The following GPM6A variants were observed in gnomAD, a reference collection of about 807,000 sequenced individuals.
GPM6A encodes neuronal membrane glycoprotein M6-a.
Under a neutral mutation model 32.1 loss-of-function variants are expected in GPM6A, and 7 were observed. That is an observed-to-expected ratio of 0.22 (90% CI 0.12 to 0.41). GPM6A has a LOEUF of 0.41. GPM6A is among the 10% of genes least tolerant of loss of function. GPM6A has a pLI of 1.00. For synonymous variants in GPM6A, 130 were observed against 123.4 expected, an observed-to-expected ratio of 1.05 and a Z score of -0.35; for missense variants, 235 against 347.2, an observed-to-expected ratio of 0.68 and a Z score of 2.57.
chr4:175,902,685 TC>T (rs1402071680), intron 1 of GPM6A, among the ~76,000 whole-genome samples: 1 of 151,982 alleles, frequency 6.6e-6, no homozygotes, highest in Non-Finnish European at 1.5e-5. Context: ...CTCCTCAAGC[TC>T]ATCTATAAAA....
chr4:175,888,860 A>G (rs1380470209), intron 1 of GPM6A, among the ~76,000 whole-genome samples: 2 of 152,162 alleles, frequency 1.3e-5, no homozygotes, highest in African/African-American at 4.8e-5. Flanking sequence ...ACGGTAACAT[A>G]AAGATCTACA....
At chr4:175,639,097 G>T (rs1470070523) in intron 6 of GPM6A, among the ~76,000 whole-genome samples, 1 of 152,004 alleles carries the variant, frequency 6.6e-6, no homozygotes, top group African/African-American at 2.4e-5. Flanking sequence ...CAACGCTAAA[G>T]TAACAAAACA....
chr4:175,838,094 C>CACACACACACACACAG (rs1234478957), intron 1 of GPM6A, among the ~76,000 whole-genome samples: 2 of 76,652 alleles, frequency 2.6e-5, no homozygotes, highest in African/African-American at 1.1e-4. Context: ...GGTTAAAACA[C>CACACACACACACACAG]ACACACACAC....
rs1736587346 is a variant in GPM6A at position 175,861,951 on chromosome 4, T to C, written c.-22-49702A>G. Among the ~76,000 whole-genome samples the C allele has an allele frequency of 2.6e-5, 4 of 151,750 alleles. No individual in the cohort carries two copies. The South Asian group carries it at 8.3e-4, about 31-fold the overall frequency. ...TAAGATGAAAGTAGCATATTTTCTATAAAAAAGTATTAAATATTCACATGT... is the reference window on the plus strand; with the variant it reads ...TAAGATGAAAGTAGCATATTTTCTACAAAAAAGTATTAAATATTCACATGT... On this transcript the variant is annotated intron_variant, in intron 1 of 7. Transcript: ENST00000280187.
chr4:175,932,221 A>C (rs2126313467), intron 1 of GPM6A, among the ~76,000 whole-genome samples: 1 of 152,262 alleles, frequency 6.6e-6, no homozygotes, highest in East Asian at 1.9e-4. Context: ...GTACTATAGT[A>C]TTAGGAGACG....
chr4:175,998,835 G>A (rs1741390019), intron 1 of GPM6A, among the ~76,000 whole-genome samples: 1 of 151,986 alleles, frequency 6.6e-6, no homozygotes, highest in Non-Finnish European at 1.5e-5. Context: ...AACTAATTCT[G>A]TTTTAAACAA....
At chr4:175,973,695 T>G (rs1427567468) in intron 1 of GPM6A, among the ~76,000 whole-genome samples, 3 of 152,348 alleles carry the variant, frequency 2.0e-5, no homozygotes, top group African/African-American at 7.2e-5. Flanking sequence ...GGCTAGCCTC[T>G]CAGTGGAGGT....
At chr4:175,734,345 T>TA (rs1203954919) in intron 1 of GPM6A, among the ~76,000 whole-genome samples, 7 of 152,118 alleles carry the variant, frequency 4.6e-5, no homozygotes, top group Admixed American at 6.5e-5. Context: ...CATTTCCCTG[T>TA]AAAAAACACT....
chr4:175,794,458 A>C (rs1053742257), intron 1 of GPM6A, among the ~76,000 whole-genome samples: 14 of 152,258 alleles, frequency 9.2e-5, no homozygotes, highest in Admixed American at 3.9e-4. Context: ...CAATAACTTA[A>C]ACAAGGAATT....
At chr4:175,680,560 C>A (rs1370851506) in intron 2 of GPM6A, among the ~76,000 whole-genome samples, 1 of 152,136 alleles carries the variant, frequency 6.6e-6, no homozygotes, top group Non-Finnish European at 1.5e-5. Context: ...GTTAATGCAA[C>A]TGTTTGTTTC....
At chr4:175,683,941 C>A (rs1743826874) in intron 2 of GPM6A, among the ~76,000 whole-genome samples, 1 of 151,858 alleles carries the variant, frequency 6.6e-6, no homozygotes, top group South Asian at 2.1e-4. Flanking sequence ...AAGCAATTCT[C>A]CTGTCTCAGC....
intron 1 of GPM6A, chr4:175,787,325 C>T: frequency 6.6e-7 from 1 of 1,512,182 alleles, no homozygotes; most frequent in South Asian, 1.2e-5. Flanking sequence ...CAAAGTCACC[C>T]TTGACCTTAC....
chr4:175,976,983 C>T (rs1740682834), intron 1 of GPM6A, among the ~76,000 whole-genome samples: 2 of 152,142 alleles, frequency 1.3e-5, no homozygotes, highest in South Asian at 4.1e-4. Context: ...CATAATTAAG[C>T]TATTGGAAAC....
chr4:175,791,234 A>G (rs776641339), intron 1 of GPM6A, among the ~76,000 whole-genome samples: 11 of 152,204 alleles, frequency 7.2e-5, no homozygotes, highest in East Asian at 3.8e-4. Flanking sequence ...AATAAAATGT[A>G]TAGATAGAAA....
rs150530182 is a variant in GPM6A, at chr4:175,952,322, C to T, written c.-23+49987G>A. 7.9e-3 allele frequency among the ~76,000 whole-genome samples: 1,200 copies of T among 152,308 alleles called. 23 individuals are homozygous for T. Among genetic ancestry groups the T allele is most frequent in the Admixed American group, 0.039 (601 of 15,296 alleles). On this transcript the variant is annotated intron_variant, in intron 1 of 7. Coordinates refer to the GPM6A transcript ENST00000280187. The stretch of plus-strand genomic sequence containing the variant: ...TAGGAGAAGTTCGTTTCTATGTACA[C>T]TTCAAAGCTAGATGTCCAAGGAGTC...
chr4:175,762,643 T>TA (rs1012126227), intron 1 of GPM6A, among the ~76,000 whole-genome samples: 2 of 152,022 alleles, frequency 1.3e-5, no homozygotes, highest in Non-Finnish European at 2.9e-5. Context: ...GGCATTCGAT[T>TA]AAAAAAAATT....
At chr4:175,857,578 C>A (rs915785447) in intron 1 of GPM6A, among the ~76,000 whole-genome samples, 2 of 151,898 alleles carry the variant, frequency 1.3e-5, no homozygotes, top group African/African-American at 4.8e-5. Context: ...GTAAACCTAA[C>A]CATATCAGTA....
At chr4:175,782,862 A>G (rs1264194581) in intron 1 of GPM6A, among the ~76,000 whole-genome samples, 1 of 152,028 alleles carries the variant, frequency 6.6e-6, no homozygotes, top group Non-Finnish European at 1.5e-5. Flanking sequence ...CTCTTTATAT[A>G]CCATCATTTT....
intron 1 of GPM6A, among the ~76,000 whole-genome samples, chr4:175,924,724 C>T (rs767322378): frequency 5.3e-5 from 8 of 151,750 alleles, no homozygotes; most frequent in Non-Finnish European, 8.8e-5. Context: ...CCTGTAATTC[C>T]AGCTACTTGG....
Sources: gnomAD v4.1 joint callset for allele counts (sites outside exome capture counted in the v4.1 genomes callset) on GRCh38, gnomAD v4.1.1 for gene constraint, MANE v1.5 for transcripts, NCBI Gene and HGNC (gene_info 2026-07-23, HGNC 2026-07-21) for gene names.